The following PDE4D variants were observed in gnomAD, a reference collection of about 807,000 sequenced individuals.
PDE4D encodes phosphodiesterase 4D.
In PDE4D, 24 loss-of-function variants were observed where a neutral mutation model predicts 87.4. The observed-to-expected ratio is 0.27, with a 90% CI of 0.20 to 0.39. PDE4D has a LOEUF of 0.39. Ranked by LOEUF, PDE4D falls within the 10% of genes least tolerant of loss-of-function variation. The pLI is 1.00. For missense variants in PDE4D, 714 were observed against 1,041.0 expected, an observed-to-expected ratio of 0.69 and a Z score of 4.32; for synonymous variants, 384 against 383.2, an observed-to-expected ratio of 1.00 and a Z score of -0.02.
At chr5:59,970,453 A>T (rs575437239) in intron 3 of PDE4D, among the ~76,000 whole-genome samples, 1 of 152,260 alleles carries the variant, frequency 6.6e-6, no homozygotes, top group African/African-American at 2.4e-5. Flanking sequence ...TTCGCAACCT[A>T]CTCATCTGAC....
At chr5:59,578,371 C>T (rs1411699267) in intron 1 of PDE4D, among the ~76,000 whole-genome samples, 1 of 152,092 alleles carries the variant, frequency 6.6e-6, no homozygotes, top group Non-Finnish European at 1.5e-5. Context: ...TCTTTGGAAT[C>T]CCAAGAAACA....
intron 1 of PDE4D, among the ~76,000 whole-genome samples, chr5:60,221,340 A>T (rs1259444504): frequency 6.6e-6 from 1 of 152,156 alleles, no homozygotes; most frequent in Non-Finnish European, 1.5e-5. Flanking sequence ...ATATTATTAA[A>T]ATTATCTACA....
chr5:59,622,275 G>A (rs1483149253), intron 1 of PDE4D, among the ~76,000 whole-genome samples: 1 of 152,078 alleles, frequency 6.6e-6, no homozygotes, highest in Non-Finnish European at 1.5e-5. Context: ...TATAATTCCA[G>A]GGGGAAAAGT....
chr5:60,318,237 A>G (rs1425734141), intron 1 of PDE4D, among the ~76,000 whole-genome samples: 1 of 152,176 alleles, frequency 6.6e-6, no homozygotes, highest in Non-Finnish European at 1.5e-5. Context: ...ACCATTATGT[A>G]ATGGGCTTCT....
intron 2 of PDE4D, among the ~76,000 whole-genome samples, chr5:59,999,958 A>G (rs567137522): frequency 6.6e-6 from 1 of 152,120 alleles, no homozygotes; most frequent in South Asian, 2.1e-4. Flanking sequence ...GAGCATTTCA[A>G]CAGATGACTC....
chr5:60,160,224 A>C (rs927934671), intron 2 of PDE4D, among the ~76,000 whole-genome samples: 1 of 152,244 alleles, frequency 6.6e-6, no homozygotes, highest in African/African-American at 2.4e-5. Context: ...AAACATAAAA[A>C]TTATGTGTTA....
intron 1 of PDE4D, among the ~76,000 whole-genome samples, chr5:60,286,466 C>A (rs1000069447): frequency 6.6e-6 from 1 of 151,874 alleles, no homozygotes; most frequent in African/African-American, 2.4e-5. Context: ...TCATAAATTG[C>A]CAACTAGAGT....
intron 1 of PDE4D, among the ~76,000 whole-genome samples, chr5:60,230,292 A>G (rs765133230): frequency 6.6e-6 from 1 of 152,156 alleles, no homozygotes; most frequent in Non-Finnish European, 1.5e-5. Flanking sequence ...ATTTTGAAAT[A>G]GTGGAGTTTT....
At chr5:59,057,262 A>C (rs1762508529) in intron 5 of PDE4D, among the ~76,000 whole-genome samples, 2 of 152,136 alleles carry the variant, frequency 1.3e-5, no homozygotes, top group African/African-American at 4.8e-5. Context: ...CAAACACTGA[A>C]ATTTAAGAGA....
intron 1 of PDE4D, among the ~76,000 whole-genome samples, chr5:59,573,915 T>C (rs1822313670): frequency 1.4e-5 from 2 of 147,390 alleles, no homozygotes; most frequent in African/African-American, 5.1e-5. Context: ...GGAGAACCGC[T>C]TGAAACTGGG....
intron 3 of PDE4D, among the ~76,000 whole-genome samples, chr5:59,942,140 C>T (rs1757254828): frequency 6.6e-6 from 1 of 152,226 alleles, no homozygotes; most frequent in Non-Finnish European, 1.5e-5. Context: ...ATTGAATTTT[C>T]ATAAATGTTC....
intron 1 of PDE4D, among the ~76,000 whole-genome samples, chr5:60,365,480 C>G (rs1308407107): frequency 6.6e-6 from 1 of 152,164 alleles, no homozygotes; most frequent in Non-Finnish European, 1.5e-5. Context: ...TTAAATCTCT[C>G]TCTGCATCAT....
chr5:60,231,474 A>G (rs1400039621), intron 1 of PDE4D, among the ~76,000 whole-genome samples: 4 of 151,966 alleles, frequency 2.6e-5, no homozygotes, highest in Non-Finnish European at 2.9e-5. Flanking sequence ...TGGAAAAAAA[A>G]ATGATCTTAA....
At chr5:60,315,771 A>C (rs2149824445) in intron 1 of PDE4D, among the ~76,000 whole-genome samples, 1 of 152,108 alleles carries the variant, frequency 6.6e-6, no homozygotes, top group Non-Finnish European at 1.5e-5. Context: ...TGTTTTTGTC[A>C]GGTTTGTCAA....
chr5:59,365,808 T>A (rs1334936557), intron 1 of PDE4D, among the ~76,000 whole-genome samples: 1 of 152,172 alleles, frequency 6.6e-6, no homozygotes. Flanking sequence ...GTAAGCTTTT[T>A]CTCAATAAAA....
chr5:59,796,146 C>T (rs1437134112), intron 1 of PDE4D, among the ~76,000 whole-genome samples: 1 of 152,140 alleles, frequency 6.6e-6, no homozygotes, highest in African/African-American at 2.4e-5. Context: ...AGCTGGGGAC[C>T]AGGCTTTTAG....
intron 2 of PDE4D, among the ~76,000 whole-genome samples, chr5:60,029,099 T>C (rs1414156333): frequency 1.3e-5 from 2 of 152,232 alleles, no homozygotes; most frequent in African/African-American, 4.8e-5. Context: ...TTATTTTTAC[T>C]TGTATAAATG....
At chr5:60,128,576 G>T (rs1048247251) in intron 2 of PDE4D, among the ~76,000 whole-genome samples, 1 of 152,240 alleles carries the variant, frequency 6.6e-6, no homozygotes, top group Non-Finnish European at 1.5e-5. Context: ...AGGTGTCTGG[G>T]TGACCAGGTG....
intron 5 of PDE4D, among the ~76,000 whole-genome samples, chr5:59,089,093 T>A (rs944785305): frequency 2.0e-5 from 3 of 152,226 alleles, no homozygotes; most frequent in African/African-American, 4.8e-5. Context: ...TGCCTATTAA[T>A]CTATACTTCT....
Sources: allele counts gnomAD v4.1 joint callset (sites outside exome capture counted in the v4.1 genomes callset), GRCh38; gene constraint gnomAD v4.1.1; transcripts MANE v1.5; gene names NCBI Gene and HGNC (gene_info 2026-07-23, HGNC 2026-07-21).